The following DYNC2LI1 variants were observed in gnomAD, a reference collection of about 807,000 sequenced individuals.
The protein encoded by DYNC2LI1 is cytoplasmic dynein 2 light intermediate chain 1.
Under a neutral mutation model 51.9 loss-of-function variants are expected in DYNC2LI1, and 45 were observed. The observed-to-expected ratio is 0.87, with a 90% CI of 0.68 to 1.11. DYNC2LI1 has a LOEUF of 1.11. Among genes scored for constraint, DYNC2LI1 ranks in the 50% most tolerant of loss-of-function variants. The pLI is 0.00. For synonymous variants in DYNC2LI1, 130 were observed against 137.8 expected, an observed-to-expected ratio of 0.94 and a Z score of 0.40; for missense variants, 490 against 417.4, an observed-to-expected ratio of 1.17 and a Z score of -1.51.
the DYNC2LI1 span, chr2:43,826,520 C>T: frequency 6.8e-6 from 11 of 1,614,088 alleles, no homozygotes; most frequent in Admixed American, 3.3e-5. Flanking sequence ...ACAGCATGAC[C>T]TCTGCCAGCA....
intron 5 of DYNC2LI1, chr2:43,793,413 G>T (rs1333561699): frequency 6.5e-6 from 1 of 152,672 alleles, no homozygotes; most frequent in Admixed American, 6.5e-5. Flanking sequence ...GGCAGAGGTT[G>T]CAGTGAGCTG....
At chr2:43,821,676 GGC>G in the DYNC2LI1 span, among the ~76,000 whole-genome samples, 2 of 152,030 alleles carry the variant, frequency 1.3e-5, no homozygotes, top group Non-Finnish European at 2.9e-5. Context: ...TGCCTCAGCT[GGC>G]CCCTGGACCC....
At chr2:43,818,172 T>C in the DYNC2LI1 span, among the ~76,000 whole-genome samples, 1 of 151,884 alleles carries the variant, frequency 6.6e-6, no homozygotes, top group Non-Finnish European at 1.5e-5. Flanking sequence ...AGTTTCTAGG[T>C]TGGCTGCGGT....
chr2:43,777,237 C>T (rs1340258616), intron 2 of DYNC2LI1, among the ~76,000 whole-genome samples: 1 of 152,118 alleles, frequency 6.6e-6, no homozygotes, highest in East Asian at 1.9e-4. Flanking sequence ...TAGATTGTTA[C>T]TTTACTTTTA....
chr2:43,796,236 AG>A (rs1217326957), intron 7 of DYNC2LI1, among the ~76,000 whole-genome samples: 2 of 151,718 alleles, frequency 1.3e-5, no homozygotes, highest in Admixed American at 1.3e-4. Context: ...GGGAGGCTGA[AG>A]GGGGAGGATC....
the DYNC2LI1 span, among the ~76,000 whole-genome samples, chr2:43,822,039 T>C: frequency 6.6e-6 from 1 of 152,186 alleles, no homozygotes; most frequent in Non-Finnish European, 1.5e-5. Context: ...CTCAATCTGA[T>C]GTTTTTTGAT....
intron 1 of DYNC2LI1, chr2:43,775,854 ATTTTT>A (rs57868887): frequency 1.5e-3 from 75 of 50,412 alleles, no homozygotes; most frequent in South Asian, 5.3e-3. Context: ...CACCTGGCCA[ATTTTT>A]TTTTTTTTTT....
intron 2 of DYNC2LI1, 119 bp from the exon 3 acceptor site, chr2:43,783,401 T>G (rs765415684): frequency 1.1e-5 from 9 of 793,650 alleles, no homozygotes; most frequent in Non-Finnish European, 1.6e-5. Flanking sequence ...GTTTTTAGTT[T>G]CCAGGTAATT....
chr2:43,816,041 C>T, the DYNC2LI1 span, among the ~76,000 whole-genome samples: 6 of 152,024 alleles, frequency 3.9e-5, no homozygotes, highest in Non-Finnish European at 7.4e-5. Context: ...GAGGTAGGAA[C>T]TGTGAACCTT....
the DYNC2LI1 span, chr2:43,824,212 C>T: frequency 5.0e-6 from 8 of 1,614,156 alleles, no homozygotes; most frequent in Middle Eastern, 1.6e-4. Flanking sequence ...ATTTGTGAGC[C>T]TCTTACCTCA....
chr2:43,820,113 A>G, the DYNC2LI1 span: 1 of 1,611,952 alleles, frequency 6.2e-7, no homozygotes, highest in Non-Finnish European at 8.5e-7. Context: ...AGAAAAGCAT[A>G]AGCTCTTTAG....
the DYNC2LI1 span, among the ~76,000 whole-genome samples, chr2:43,825,345 GA>G: frequency 6.6e-6 from 1 of 152,146 alleles, no homozygotes; most frequent in South Asian, 2.1e-4. Flanking sequence ...CAAGCCAAGT[GA>G]GTGACCTCGG....
chr2:43,822,785 A>G, the DYNC2LI1 span: 2 of 1,613,822 alleles, frequency 1.2e-6, no homozygotes, highest in African/African-American at 1.3e-5. Flanking sequence ...GGTGAACTGA[A>G]CAACCCCTCA....
At chr2:43,798,061 A>G (rs1665944628) in intron 8 of DYNC2LI1, among the ~76,000 whole-genome samples, 1 of 152,028 alleles carries the variant, frequency 6.6e-6, no homozygotes, top group Non-Finnish European at 1.5e-5. Flanking sequence ...CAGGAGGTCA[A>G]GGCTGCAGTG....
rs1558692876 is a variant in DYNC2LI1, at chr2:43,800,915, A to C, written c.729A>C (p.Lys243Asn). The C allele has an allele frequency of 6.3e-7, 1 of 1,588,670 alleles. No homozygotes were observed. Among genetic ancestry groups the C allele is most frequent in the Non-Finnish European group, 8.6e-7 (1 of 1,161,154 alleles). The change falls in exon 9 of 13, where the codon AAA becomes AAC. Residue 243 changes from lysine to asparagine, a missense_variant and splice_region_variant. By Grantham distance (94) the Lys-to-Asn change is moderately conservative (BLOSUM62 0). Transcript: ENST00000260605. Reference sequence around the variant, plus strand: ...ACCAGTTGGCATTTGGCATTGACAAAAGGTACTGCTAAGATATTTTTTATA... The same window carrying C: ...ACCAGTTGGCATTTGGCATTGACAACAGGTACTGCTAAGATATTTTTTATA... ...VINQLAFGID[K>N]SKSICVDQNK...
chr2:43,823,945 G>A, the DYNC2LI1 span: 18 of 1,614,196 alleles, frequency 1.1e-5, no homozygotes, highest in East Asian at 2.9e-4. Flanking sequence ...GCCTGTGTAC[G>A]GGGTGGCGCC....
chr2:43,824,769 T>G, the DYNC2LI1 span: 1 of 1,506,142 alleles, frequency 6.6e-7, no homozygotes, highest in South Asian at 1.2e-5. Context: ...CCTTGAAGAG[T>G]ATAAAACACA....
intron 2 of DYNC2LI1, among the ~76,000 whole-genome samples, chr2:43,781,405 A>T: frequency 6.6e-6 from 1 of 152,012 alleles, no homozygotes; most frequent in East Asian, 1.9e-4. Flanking sequence ...AGTGATTTAA[A>T]TCAATGAATA....
the DYNC2LI1 span, among the ~76,000 whole-genome samples, chr2:43,821,577 C>A: frequency 1.3e-5 from 2 of 152,150 alleles, no homozygotes; most frequent in Non-Finnish European, 2.9e-5. Flanking sequence ...TATCAGTTCC[C>A]ACATCTGGGG....
Sources: allele counts gnomAD v4.1 joint callset (sites outside exome capture counted in the v4.1 genomes callset), GRCh38; gene constraint gnomAD v4.1.1; transcripts MANE v1.5; gene names NCBI Gene and HGNC (gene_info 2026-07-23, HGNC 2026-07-21).